Variants in ZNF423 observed in about 807,000 individuals in gnomAD.
ZNF423 encodes the protein Ebf-associated zinc finger protein.
ZNF423 carries 12 observed loss-of-function variants against 95.8 expected under a neutral mutation model. The observed-to-expected ratio is 0.13, with a 90% confidence interval of 0.08 to 0.20. The LOEUF is 0.20. Ranked by LOEUF, ZNF423 falls within the 10% of genes least tolerant of loss-of-function variation. ZNF423 has a pLI of 1.00. For synonymous variants in ZNF423, 749 were observed against 711.9 expected, an observed-to-expected ratio of 1.05 and a Z score of -0.83; for missense variants, 1,316 against 1,737.1, an observed-to-expected ratio of 0.76 and a Z score of 4.31.
At chr16:49,812,713 G>C (rs1395673914) in intron 1 of ZNF423, among the ~76,000 whole-genome samples, 1 of 152,156 alleles carries the variant, frequency 6.6e-6, no homozygotes, top group Non-Finnish European at 1.5e-5. Flanking sequence ...ATAAAGTCCT[G>C]AAGCAGTACT....
intron 3 of ZNF423, among the ~76,000 whole-genome samples, chr16:49,673,854 G>A (rs1241583401): frequency 6.6e-6 from 1 of 152,214 alleles, no homozygotes; most frequent in Non-Finnish European, 1.5e-5. Flanking sequence ...GAGCTCTAAA[G>A]GAGGCTGAGG....
chr16:49,635,584 G>T lies in ZNF423; in HGVS notation c.3516+76C>A. 6.7e-7 allele frequency: 1 copy of T among 1,486,114 alleles called. No individual in the cohort carries two copies. Among genetic ancestry groups the T allele is most frequent in the South Asian group, 1.4e-5 (1 of 70,922 alleles). The allele number at this position is 1,486,114 out of a possible 1,614,324, so 92.1% of individuals were successfully genotyped here. A position where few individuals can be genotyped will look rare whatever the true frequency, so the allele number is the denominator to read the frequency against. On this transcript the variant is annotated intron_variant, in intron 4 of 7. Transcript: ENST00000563137. This position sits in a 1 kb window ranked among gnomAD's most constrained non-coding sequence, Gnocchi z 4.8. ...CGCTTCTTGGAAACACGGCACTCAG[G>T]GTACGTGGCTCCTGTGGGGACCAGA...
intron 7 of ZNF423, among the ~76,000 whole-genome samples, chr16:49,499,113 G>T (rs954429419): frequency 3.9e-5 from 6 of 152,168 alleles, no homozygotes; most frequent in African/African-American, 1.4e-4. Flanking sequence ...CCTCATTTAC[G>T]CAGATGGCAG....
At chr16:49,820,236 A>C (rs572359523) in intron 1 of ZNF423, among the ~76,000 whole-genome samples, 44 of 152,000 alleles carry the variant, frequency 2.9e-4, no homozygotes, top group Non-Finnish European at 5.6e-4. Context: ...CAGACCCCCT[A>C]CCTCCCTTGA....
At chr16:49,747,020 G>A (rs185993271) in intron 2 of ZNF423, among the ~76,000 whole-genome samples, 249 of 152,310 alleles carry the variant, frequency 1.6e-3, no homozygotes, top group African/African-American at 5.9e-3. Flanking sequence ...CTTAAAGTGG[G>A]GAGAGCAGAG....
At chr16:49,798,033 G>T (rs374314705) in intron 1 of ZNF423, among the ~76,000 whole-genome samples, 5 of 152,164 alleles carry the variant, frequency 3.3e-5, no homozygotes, top group Non-Finnish European at 7.3e-5. Context: ...AACATAGCAA[G>T]ATACTATCTC....
At chr16:49,515,644 C>T (rs1358709052) in intron 7 of ZNF423, among the ~76,000 whole-genome samples, 1 of 152,208 alleles carries the variant, frequency 6.6e-6, no homozygotes, top group Admixed American at 6.5e-5. Flanking sequence ...AGACCTAGGG[C>T]CCAGGGGTGA....
At chr16:49,585,671 AG>A (rs948623281) in intron 5 of ZNF423, among the ~76,000 whole-genome samples, 4 of 152,240 alleles carry the variant, frequency 2.6e-5, no homozygotes, top group African/African-American at 9.6e-5. Context: ...GACTGTTCAA[AG>A]GCAGTTCAAT....
At chr16:49,707,500 C>T (rs2032391413) in intron 3 of ZNF423, among the ~76,000 whole-genome samples, 1 of 151,508 alleles carries the variant, frequency 6.6e-6, no homozygotes, top group Non-Finnish European at 1.5e-5. Context: ...GCTTGTAATC[C>T]CAGCTACTCG....
At chr16:49,779,697 C>T (rs184462880) in intron 2 of ZNF423, among the ~76,000 whole-genome samples, 7 of 152,236 alleles carry the variant, frequency 4.6e-5, no homozygotes, top group East Asian at 3.9e-4. Flanking sequence ...GGCTTCAAGT[C>T]GCCAAAGAAC....
intron 7 of ZNF423, among the ~76,000 whole-genome samples, chr16:49,510,713 G>C (rs1020961283): frequency 2.6e-5 from 4 of 152,242 alleles, no homozygotes; most frequent in African/African-American, 9.6e-5. Context: ...AGTCAATGCG[G>C]GGCAGGGCTT....
intron 1 of ZNF423, among the ~76,000 whole-genome samples, chr16:49,801,945 C>G (rs2034588595): frequency 6.6e-6 from 1 of 152,128 alleles, no homozygotes; most frequent in African/African-American, 2.4e-5. Flanking sequence ...AACTCCTGGG[C>G]TCAAGTGATC....
At chr16:49,623,544 A>G (rs762578661) in intron 5 of ZNF423, among the ~76,000 whole-genome samples, 1 of 152,266 alleles carries the variant, frequency 6.6e-6, no homozygotes, top group Non-Finnish European at 1.5e-5. Flanking sequence ...ATCTGCTACA[A>G]AAGCAAACAT....
chr16:49,497,335 T>C (rs980523270), intron 7 of ZNF423, among the ~76,000 whole-genome samples: 18 of 152,176 alleles, frequency 1.2e-4, no homozygotes, highest in Non-Finnish European at 1.5e-5. Context: ...GTTGAGAAGC[T>C]CCAGCGCCCT....
At chr16:49,662,104 AC>A (rs1264153628) in intron 3 of ZNF423, among the ~76,000 whole-genome samples, 1 of 151,492 alleles carries the variant, frequency 6.6e-6, no homozygotes, top group Non-Finnish European at 1.5e-5. Flanking sequence ...GGGGAACTCC[AC>A]CCCCACTCCC....
chr16:49,677,282 A>AGAAGAGAAGGGAAGGGAAGGGAAGG (rs2031119011), intron 3 of ZNF423, among the ~76,000 whole-genome samples: 1 of 81,500 alleles, frequency 1.2e-5, no homozygotes, highest in Non-Finnish European at 2.5e-5. Context: ...AGAAGAGAAG[A>AGAAGAGAAGGGAAGGGAAGGGAAGG]GAAGAGAAGA....
At chr16:49,845,530 TTTTGTTTTGTTTTGG>T (rs1428817315) in intron 1 of ZNF423, among the ~76,000 whole-genome samples, 1 of 151,056 alleles carries the variant, frequency 6.6e-6, no homozygotes, top group Non-Finnish European at 1.5e-5. Context: ...CCCATTTTTG[TTTTGTTTTGTTTTGG>T]TTTGTTTTGT....
At position 49,828,975 on chromosome 16, in the gene ZNF423, C is replaced by T. The variant is rs147155290; in HGVS notation, c.40+26760G>A. ...CGCCTCCTGGTCTGATCCCTGCTCC[C>T]GCTGGGCCCTCATTCACCCTCCAAT... On this transcript the variant is annotated intron_variant, in intron 1 of 7. Coordinates refer to ENST00000563137, the MANE Select transcript of ZNF423 (RefSeq NM_001379286.1). Among the ~76,000 whole-genome samples, 50 of 152,292 alleles carry T rather than the reference C, an allele frequency of 3.3e-4. 1 individual carries two copies. The highest frequency in any genetic ancestry group is 1.1e-3 in the African/African-American group (46 of 41,562).
Position 49,491,120 on chromosome 16 carries a change from C to T in ZNF423, c.*155G>A, listed in dbSNP as rs553577642. ...TAATCTCTGCCATTAATATTCATTT[C>T]CAGCTGCTTATAATAGCAGCGCCTC... On this transcript the variant is annotated 3_prime_UTR_variant, in exon 8 of 8. Transcript: ENST00000563137. 2.5e-6 allele frequency: 2 copies of T among 810,738 alleles called. No individual in the cohort carries two copies. Among genetic ancestry groups the T allele is most frequent in the South Asian group, 1.5e-5 (1 of 67,922 alleles). 50.2% of individuals were successfully genotyped at this position (810,738 alleles called of 1,614,324 possible).
Sources: gnomAD v4.1 joint callset for allele counts (sites outside exome capture counted in the v4.1 genomes callset) on GRCh38, gnomAD v4.1.1 for gene constraint, Gnocchi (gnomAD v3.1) non-coding constraint, MANE v1.5 for transcripts, NCBI Gene and HGNC (gene_info 2026-07-23, HGNC 2026-07-21) for gene names.